Variants in PTBP3 observed in about 807,000 individuals in gnomAD.
PTBP3 encodes the protein polypyrimidine tract-binding protein 3.
Under a neutral mutation model 58.7 loss-of-function variants are expected in PTBP3, and 20 were observed. The ratio of observed to expected loss-of-function variants is 0.34; its 90% confidence interval spans 0.24 to 0.50. The LOEUF (loss-of-function observed/expected upper bound fraction) is 0.50, where lower values mean the gene tolerates loss of function less well. Ranked by LOEUF, PTBP3 falls within the 20% of genes least tolerant of loss-of-function variation. PTBP3 has a pLI of 0.98. For missense variants in PTBP3, 509 were observed against 637.2 expected (o/e 0.80, Z 2.17); for synonymous variants, 185 against 219.8 (o/e 0.84, Z 1.40).
Position 112,331,124 on chromosome 9 carries a change from CACGA to C in PTBP3, c.-52+2342_-52+2345del, listed in dbSNP as rs1227234610. 4.4e-3 allele frequency among the ~76,000 whole-genome samples: 663 copies of C among 150,142 alleles called. 6 individuals carry two copies. The highest frequency in any genetic ancestry group is 0.016 in the African/African-American group (625 of 40,320). Reference sequence around the variant, plus strand: ...ACACACACACACACACACACACACACACGAGAGACAGTTGGGATTTGAGGAGGAA... The same window carrying C: ...ACACACACACACACACACACACACACGAGACAGTTGGGATTTGAGGAGGAA... On this transcript the variant is annotated intron_variant, in intron 1 of 13. Coordinates refer to ENST00000374257, the MANE Select transcript of PTBP3 (RefSeq NM_001163788.4).
At chr9:112,331,082 AACACACACACACAC>A (rs10660591) in intron 1 of PTBP3, among the ~76,000 whole-genome samples, 42 of 139,530 alleles carry the variant, frequency 3.0e-4, no homozygotes, top group South Asian at 9.7e-4. Context: ...GGAGGAAACG[AACACACACACACAC>A]ACACACACAC....
intron 1 of PTBP3, among the ~76,000 whole-genome samples, chr9:112,331,121 AC>A (rs1830353719): frequency 1.3e-5 from 2 of 150,876 alleles, no homozygotes; most frequent in Admixed American, 6.7e-5. Flanking sequence ...ACACACACAC[AC>A]ACACGAGAGA....
chr9:112,308,779 G>GTCCTAAGACAGTC (rs760983620), intron 1 of PTBP3, among the ~76,000 whole-genome samples: 5 of 152,058 alleles, frequency 3.3e-5, no homozygotes, highest in Non-Finnish European at 7.4e-5. Flanking sequence ...TAAGGAGACT[G>GTCCTAAGACAGTC]TCCTTAGAAA....
intron 5 of PTBP3, among the ~76,000 whole-genome samples, chr9:112,261,490 A>G (rs1043778610): frequency 1.3e-5 from 2 of 152,218 alleles, no homozygotes; most frequent in Non-Finnish European, 2.9e-5. Flanking sequence ...TTACATATAC[A>G]AGCACACACA....
chr9:112,337,434 CCTAA>C (rs548994990), upstream of PTBP3, among the ~76,000 whole-genome samples: 139 of 152,230 alleles, frequency 9.1e-4, 1 homozygote, highest in East Asian at 0.024. Flanking sequence ...CTTTGAGAAA[CCTAA>C]CTGTTCCCAT....
At position 112,266,773 on chromosome 9, in the gene PTBP3, T is replaced by C. The variant is rs555569364; in HGVS notation, c.351+1276A>G. 3.9e-5 allele frequency among the ~76,000 whole-genome samples: 6 copies of C among 152,360 alleles called. No individual in the cohort carries two copies. The East Asian group carries it at 1.2e-3, about 29-fold the overall frequency. ...TAGACATCTGAATACACACCGAATA[T>C]TACCACTAGTTATTAGTTATCTCTG... On this transcript the variant is annotated intron_variant, in intron 4 of 13. Transcript: ENST00000374257.
intron 2 of PTBP3, 82 bp downstream of exon 2, chr9:112,297,750 G>A: frequency 8.5e-7 from 1 of 1,174,258 alleles, no homozygotes; most frequent in Non-Finnish European, 1.2e-6. Context: ...ACTTCAACAT[G>A]ATATAAGCAA....
chr9:112,322,298 G>A (rs886404255), intron 1 of PTBP3, among the ~76,000 whole-genome samples: 4 of 152,080 alleles, frequency 2.6e-5, no homozygotes, highest in Non-Finnish European at 2.9e-5. Flanking sequence ...CTAGGGAATG[G>A]GTATTTCCTA....
the PTBP3 span, among the ~76,000 whole-genome samples, chr9:112,373,454 G>T: frequency 0.25 from 38,557 of 151,920 alleles, 5,566 homozygotes; most frequent in African/African-American, 0.37. Flanking sequence ...TTAAGGGTGG[G>T]CCTGCCTTCC....
rs1350117378 is a variant in PTBP3 at position 112,276,095 on chromosome 9, T to C, written c.35-82A>G. 2.3e-6 allele frequency: 3 copies of C among 1,320,956 alleles called. No individual in the cohort carries two copies. The East Asian group carries it at 7.2e-5, about 32-fold the overall frequency. 81.8% of individuals were successfully genotyped at this position (1,320,956 alleles called of 1,614,324 possible). ...ACATTAATCATATTGTCACATTTAA[T>C]CCTAAATGAGTTTTGGGTTTTGAAC... On this transcript the variant is annotated intron_variant, in intron 2 of 13. Transcript: ENST00000374257.
chr9:112,236,700 C>T (rs903039064), intron 7 of PTBP3, among the ~76,000 whole-genome samples: 26 of 152,156 alleles, frequency 1.7e-4, no homozygotes, highest in Admixed American at 6.6e-5. Context: ...TCACACTGGG[C>T]TTGATCATGT....
chr9:112,240,759 A>C (rs1835625432), intron 7 of PTBP3, among the ~76,000 whole-genome samples: 1 of 151,964 alleles, frequency 6.6e-6, no homozygotes, highest in Non-Finnish European at 1.5e-5. Context: ...ATGCATGTTT[A>C]CTGTCCCTGA....
intron 3 of PTBP3, 136 bp from the exon 4 acceptor site, chr9:112,268,331 C>CA (rs1827205822): frequency 9.1e-6 from 7 of 772,144 alleles, no homozygotes; most frequent in Admixed American, 3.8e-5. Context: ...GAGGGAAAAA[C>CA]AAAAAAACAC....
the PTBP3 span, among the ~76,000 whole-genome samples, chr9:112,352,257 A>G: frequency 6.6e-6 from 1 of 152,148 alleles, no homozygotes; most frequent in Non-Finnish European, 1.5e-5. Context: ...TGAAAGTAAA[A>G]TCTAGGTACT....
chr9:112,274,366 TA>T (rs1191414863), intron 3 of PTBP3, among the ~76,000 whole-genome samples: 2 of 152,226 alleles, frequency 1.3e-5, no homozygotes, highest in Non-Finnish European at 2.9e-5. Flanking sequence ...TGAAACACAG[TA>T]ATACATCACA....
chr9:112,334,154 G>A (rs1290976346), upstream of PTBP3, among the ~76,000 whole-genome samples: 1 of 152,104 alleles, frequency 6.6e-6, no homozygotes, highest in African/African-American at 2.4e-5. Context: ...GCCCGGCGCT[G>A]GAGTCGACCG....
the PTBP3 span, among the ~76,000 whole-genome samples, chr9:112,346,636 A>G: frequency 6.6e-6 from 1 of 152,264 alleles, no homozygotes; most frequent in Non-Finnish European, 1.5e-5. Flanking sequence ...TAGATGGTTT[A>G]GGAGACTATA....
At chr9:112,289,130 C>A (rs907825354) in intron 2 of PTBP3, among the ~76,000 whole-genome samples, 1 of 152,148 alleles carries the variant, frequency 6.6e-6, no homozygotes, top group Non-Finnish European at 1.5e-5. Context: ...AAAAATGATA[C>A]GCGCTGCTTT....
At chr9:112,249,335 T>C (rs886561262) in intron 7 of PTBP3, among the ~76,000 whole-genome samples, 2 of 152,126 alleles carry the variant, frequency 1.3e-5, no homozygotes, top group South Asian at 2.1e-4. Context: ...AGCTTTTCTA[T>C]AGGTATAACA....
Sources: allele counts gnomAD v4.1 joint callset (sites outside exome capture counted in the v4.1 genomes callset), GRCh38; gene constraint gnomAD v4.1.1; transcripts MANE v1.5; gene names NCBI Gene and HGNC (gene_info 2026-07-23, HGNC 2026-07-21).